The following FAT3 variants were observed in gnomAD, a reference collection of about 807,000 sequenced individuals.
FAT3 encodes FAT atypical cadherin 3.
FAT3 carries 95 observed loss-of-function variants against 310.2 expected under a neutral mutation model. That is an observed-to-expected ratio of 0.31 (90% CI 0.26 to 0.36). The LOEUF is 0.36. FAT3 is among the 10% of genes least tolerant of loss of function. The pLI is 1.00. For missense variants in FAT3, 5,408 were observed against 5,715.6 expected (o/e 0.95, Z 1.74); for synonymous variants, 2,314 against 2,192.9 (o/e 1.06, Z -1.54).
chr11:92,821,674 G>A (rs2136235497), intron 13 of FAT3, among the ~76,000 whole-genome samples: 1 of 152,308 alleles, frequency 6.6e-6, no homozygotes, highest in African/African-American at 2.4e-5. Flanking sequence ...AAACACGCAT[G>A]TGATGTTACC....
intron 3 of FAT3, among the ~76,000 whole-genome samples, chr11:92,629,430 T>TC (rs1491115201): frequency 9.3e-6 from 1 of 107,378 alleles, no homozygotes; most frequent in Non-Finnish European, 2.0e-5. Context: ...TTTTTTTTTT[T>TC]CTTTTTAAGA....
intron 3 of FAT3, among the ~76,000 whole-genome samples, chr11:92,556,601 C>A (rs564128906): frequency 6.6e-6 from 1 of 152,104 alleles, no homozygotes; most frequent in African/African-American, 2.4e-5. Flanking sequence ...ATCTGTGAGG[C>A]CCTACACTGA....
chr11:92,678,251 T>G lies in FAT3; in HGVS notation c.3608-19133T>G, dbSNP rs1943353627. ...ATTACAAAGTTACACCCTTTGCACA[T>G]GAAGACTGGTTGCAAGAGGGGACCA... On this transcript the variant is annotated intron_variant, in intron 3 of 27. Transcript: ENST00000525166. Among the ~76,000 whole-genome samples, 3 of 152,106 alleles carry G rather than the reference T, an allele frequency of 2.0e-5. 1 individual carries two copies. The South Asian group carries it at 6.2e-4, about 32-fold the overall frequency.
chr11:92,889,912 G>A, intron 27 of FAT3, 21 bp downstream of exon 27: 1 of 718,000 alleles, frequency 1.4e-6, no homozygotes, highest in Non-Finnish European at 2.6e-6. Context: ...CGCAACCCTA[G>A]CATAACTTTT....
chr11:92,781,114 G>A (rs1167707018), intron 7 of FAT3, among the ~76,000 whole-genome samples: 10 of 122,824 alleles, frequency 8.1e-5, no homozygotes, highest in East Asian at 4.7e-4. Flanking sequence ...TCACTCTGTC[G>A]CCCAGGCTGG....
chr11:92,369,578 A>C (rs1012313099), intron 2 of FAT3, among the ~76,000 whole-genome samples: 3 of 152,146 alleles, frequency 2.0e-5, no homozygotes, highest in Admixed American at 1.3e-4. Flanking sequence ...AGAAATCTGC[A>C]AGGTCTTGGT....
intron 13 of FAT3, among the ~76,000 whole-genome samples, chr11:92,812,030 G>A (rs139835336): frequency 1.3e-5 from 2 of 152,204 alleles, no homozygotes; most frequent in East Asian, 1.9e-4. Context: ...GGAGATTCCA[G>A]TTGCAGCAGC....
chr11:92,681,170 C>G (rs930506442), intron 3 of FAT3, among the ~76,000 whole-genome samples: 3 of 152,284 alleles, frequency 2.0e-5, no homozygotes, highest in Admixed American at 2.0e-4. Context: ...AGATGAAATG[C>G]CTTTTTGTAC....
At chr11:92,747,647 T>C (rs1945712166) in intron 4 of FAT3, among the ~76,000 whole-genome samples, 1 of 152,242 alleles carries the variant, frequency 6.6e-6, no homozygotes, top group Admixed American at 6.5e-5. Flanking sequence ...GCTGCAAAAT[T>C]TCCAAACATT....
At chr11:92,419,932 A>G (rs1468374737) in intron 2 of FAT3, among the ~76,000 whole-genome samples, 2 of 152,216 alleles carry the variant, frequency 1.3e-5, no homozygotes, top group African/African-American at 4.8e-5. Flanking sequence ...TCGGGAAGAT[A>G]GGAAATTTGG....
intron 1 of FAT3, among the ~76,000 whole-genome samples, chr11:92,242,524 C>T (rs576473651): frequency 1.3e-5 from 2 of 151,862 alleles, no homozygotes; most frequent in East Asian, 1.9e-4. Context: ...TTCTCAGGAG[C>T]CTATTATACT....
At chr11:92,857,780 G>C (rs1323321192) in intron 20 of FAT3, among the ~76,000 whole-genome samples, 7 of 152,074 alleles carry the variant, frequency 4.6e-5, no homozygotes, top group Non-Finnish European at 7.3e-5. Flanking sequence ...ACCTTCCTTA[G>C]AGTCATCCCC....
intron 2 of FAT3, among the ~76,000 whole-genome samples, chr11:92,461,242 G>A (rs1951631086): frequency 6.6e-6 from 1 of 152,080 alleles, no homozygotes; most frequent in Non-Finnish European, 1.5e-5. Context: ...AGAGGAGAGA[G>A]ATAAGGGCTT....
intron 1 of FAT3, among the ~76,000 whole-genome samples, chr11:92,257,578 T>C (rs1007381056): frequency 6.6e-6 from 1 of 152,114 alleles, no homozygotes; most frequent in Admixed American, 6.5e-5. Context: ...CCAGTTCTCT[T>C]CAAGACTGTA....
chr11:92,884,507 C>T (rs1591854926), intron 24 of FAT3, among the ~76,000 whole-genome samples: 1 of 152,098 alleles, frequency 6.6e-6, no homozygotes, highest in South Asian at 2.1e-4. Flanking sequence ...GCAGCTGTGT[C>T]CTAGGTAGCC....
chr11:92,450,401 TG>T (rs529418986), intron 2 of FAT3, among the ~76,000 whole-genome samples: 395 of 152,064 alleles, frequency 2.6e-3, no homozygotes, highest in African/African-American at 9.3e-3. Flanking sequence ...TGTGGGGGGT[TG>T]GGTAGGGTAG....
chr11:92,649,908 T>C (rs1046914015), intron 3 of FAT3, among the ~76,000 whole-genome samples: 8 of 108,084 alleles, frequency 7.4e-5, no homozygotes, highest in Admixed American at 4.6e-4. Flanking sequence ...TATATATATA[T>C]ATATATATGC....
intron 2 of FAT3, among the ~76,000 whole-genome samples, chr11:92,490,652 TG>T (rs1311430508): frequency 6.6e-6 from 1 of 152,130 alleles, no homozygotes; most frequent in Non-Finnish European, 1.5e-5. Flanking sequence ...TGAATTTCTT[TG>T]GATGTTGCAT....
chr11:92,284,370 G>C (rs1328979490), intron 1 of FAT3, among the ~76,000 whole-genome samples: 1 of 151,990 alleles, frequency 6.6e-6, no homozygotes, highest in African/African-American at 2.4e-5. Context: ...CTTGGGATCT[G>C]ATATGAGTAT....
Sources: gnomAD v4.1 joint callset for allele counts (sites outside exome capture counted in the v4.1 genomes callset) on GRCh38, gnomAD v4.1.1 for gene constraint, MANE v1.5 for transcripts, NCBI Gene and HGNC (gene_info 2026-07-23, HGNC 2026-07-21) for gene names.